Variants in CROCC observed in about 807,000 individuals in gnomAD.
The protein encoded by CROCC is rootletin.
In CROCC, 180 loss-of-function variants were observed where a neutral mutation model predicts 245.2. The observed-to-expected ratio is 0.73, with a 90% CI of 0.65 to 0.83. CROCC has a LOEUF of 0.83. CROCC is among the 40% of genes least tolerant of loss of function. The pLI is 0.00. For missense variants in CROCC, 2,688 were observed against 2,779.4 expected, an observed-to-expected ratio of 0.97 and a Z score of 0.74; for synonymous variants, 1,205 against 1,241.6, an observed-to-expected ratio of 0.97 and a Z score of 0.62.
At chr1:16,969,034 G>T in intron 31 of CROCC, 82 bp from the exon 32 acceptor site, 1 of 1,318,840 alleles carries the variant, frequency 7.6e-7, no homozygotes, top group Non-Finnish European at 1.1e-6. Context: ...GATTGGGCAT[G>T]CCAGGTGGAG....
At position 16,954,313 on chromosome 1, in the gene CROCC, G is replaced by A; in HGVS notation, c.3277G>A (p.Glu1093Lys). 6.2e-7 allele frequency: 1 copy of A among 1,612,174 alleles called. No homozygotes were observed. Among genetic ancestry groups the A allele is most frequent in the Non-Finnish European group, 8.5e-7 (1 of 1,179,962 alleles). ...CCTGGCCACCATCTCCCTGGAGATG[G>A]AGCGGCAGAAACGAGATGCCCAGAG... Reference protein sequence around the residue: ...HSLATISLEMERQKRDAQSRQ... With the variant: ...HSLATISLEMKRQKRDAQSRQ... The change falls in exon 22 of 37, where the codon GAG (glutamate) becomes AAG (lysine). Residue 1093 changes from glutamate to lysine, a missense_variant. Physicochemically the swap from Glu to Lys is moderately conservative, Grantham distance 56. Coordinates refer to ENST00000375541, the MANE Select transcript of CROCC (RefSeq NM_014675.5). The surrounding 1 kb of genome is among the most constrained non-coding windows in gnomAD (Gnocchi z 4.4).
intron 3 of CROCC, among the ~76,000 whole-genome samples, chr1:16,925,513 T>G (rs1325336229): frequency 6.6e-6 from 1 of 152,278 alleles, no homozygotes; most frequent in Admixed American, 6.5e-5. Flanking sequence ...TCATTTCCTG[T>G]GTATGGGAAG....
At chr1:16,941,440 A>T (rs1483518019) in intron 13 of CROCC, 15 of 152,540 alleles carry the variant, frequency 9.8e-5, no homozygotes, top group African/African-American at 3.4e-4. Flanking sequence ...AAAAATAATA[A>T]TAATAATGCT....
At chr1:16,972,200 T>C (rs753364353) in intron 36 of CROCC, among the ~76,000 whole-genome samples, 160 bp from the exon 37 acceptor site, 7 of 152,106 alleles carry the variant, frequency 4.6e-5, no homozygotes, top group Non-Finnish European at 5.9e-5. Context: ...GACTCTGCTA[T>C]AAGGAACAAA....
At chr1:16,946,642 GTCCCTCAT>G in intron 16 of CROCC, 111 bp from the exon 17 acceptor site, 2 of 1,195,892 alleles carry the variant, frequency 1.7e-6, no homozygotes, top group Middle Eastern at 2.1e-4. Context: ...CAAGGGCACT[GTCCCTCAT>G]TCCCTGGGAG....
chr1:16,951,888 TTTTTTTC>T, intron 20 of CROCC: 1 of 164,358 alleles, frequency 6.1e-6, no homozygotes, highest in Non-Finnish European at 1.3e-5. Context: ...AGCTCTTTTT[TTTTTTTC>T]TTTTTTCTTT....
Position 16,930,309 on chromosome 1 carries a change from G to A in CROCC, c.645G>A (p.Leu215=), listed in dbSNP as rs1158652303. The A allele has an allele frequency of 1.2e-6, 2 of 1,607,768 alleles. No homozygotes were observed. The highest frequency in any genetic ancestry group is 1.7e-5 in the Admixed American group (1 of 59,084). The change falls in exon 6 of 37, where the codon CTG becomes CTA. Residue 215 remains leucine, a synonymous_variant. Coordinates refer to ENST00000375541, the MANE Select transcript of CROCC (RefSeq NM_014675.5). ...AGGACACAGAGCACAGCCAAGACCT[G>A]GAAAGCGCCCTCATCCGGCTGGAGG... ...RLRDTEHSQD[L]ESALIRLEEE... is the part of the protein sequence containing the mutation.
intron 25 of CROCC, among the ~76,000 whole-genome samples, chr1:16,957,404 C>G (rs1287113280): frequency 6.6e-6 from 1 of 152,066 alleles, no homozygotes; most frequent in African/African-American, 2.4e-5. Context: ...AAGACCCTGA[C>G]TCTAAAAAAA....
intron 1 of CROCC, among the ~76,000 whole-genome samples, chr1:16,914,553 T>A (rs1478019402): frequency 6.6e-6 from 1 of 152,276 alleles, no homozygotes; most frequent in Non-Finnish European, 1.5e-5. Context: ...TTCGTCTTCA[T>A]TGCAGCCCTG....
intron 27 of CROCC, among the ~76,000 whole-genome samples, chr1:16,964,830 A>G (rs899178622): frequency 6.6e-6 from 1 of 152,142 alleles, no homozygotes; most frequent in East Asian, 1.9e-4. Context: ...TTACAGGTGC[A>G]TGCCACCACG....
chr1:16,935,064 T>TA (rs1262095330), intron 8 of CROCC, among the ~76,000 whole-genome samples: 2 of 152,100 alleles, frequency 1.3e-5, no homozygotes, highest in East Asian at 1.9e-4. Context: ...CACACCCCGC[T>TA]AAGTTTTGTA....
chr1:16,957,542 A>G (rs962351017), intron 25 of CROCC, among the ~76,000 whole-genome samples: 3 of 152,118 alleles, frequency 2.0e-5, no homozygotes, highest in Admixed American at 2.0e-4. Flanking sequence ...TCCCGGGTTC[A>G]AGTAATTCTC....
chr1:16,916,183 C>CAAAAAAAAAAAAAAAAAA (rs58710425), intron 1 of CROCC, among the ~76,000 whole-genome samples: 24 of 107,670 alleles, frequency 2.2e-4, no homozygotes, highest in East Asian at 7.3e-4. Flanking sequence ...GACTCTGCCT[C>CAAAAAAAAAAAAAAAAAA]AAAAAAAAAG....
intron 1 of CROCC, among the ~76,000 whole-genome samples, chr1:16,914,504 G>GGCCCC (rs1168215255): frequency 6.6e-6 from 1 of 152,286 alleles, no homozygotes; most frequent in Non-Finnish European, 1.5e-5. Flanking sequence ...CCTGCGTGCG[G>GGCCCC]GCCCCGCCCT....
At chr1:16,936,487 T>A (rs2075790070) in intron 8 of CROCC, 150 bp from the exon 9 acceptor site, 2 of 745,478 alleles carry the variant, frequency 2.7e-6, no homozygotes, top group Non-Finnish European at 4.2e-6. Context: ...CAGGCTGGTC[T>A]CGAACTCCTG....
intron 8 of CROCC, among the ~76,000 whole-genome samples, chr1:16,934,308 A>ATTT (rs60973533): frequency 0.063 from 9,373 of 149,492 alleles, 8 homozygotes; most frequent in African/African-American, 0.1. Context: ...CTGAAAATAC[A>ATTT]TTTTTTTTTT....
intron 20 of CROCC, among the ~76,000 whole-genome samples, chr1:16,952,165 G>T (rs910390846): frequency 8.6e-5 from 13 of 150,510 alleles, no homozygotes; most frequent in Non-Finnish European, 1.3e-4. Context: ...GGGATTACAG[G>T]CATGAGCTAC....
chr1:16,914,259 C>T (rs1460127308), intron 1 of CROCC, among the ~76,000 whole-genome samples: 4 of 152,132 alleles, frequency 2.6e-5, no homozygotes, highest in Admixed American at 6.5e-5. Context: ...GTGTGTTCCG[C>T]GACTGCCGCG....
intron 8 of CROCC, among the ~76,000 whole-genome samples, chr1:16,936,072 C>G (rs559886673): frequency 6.6e-5 from 10 of 152,052 alleles, no homozygotes; most frequent in African/African-American, 2.4e-4. Flanking sequence ...TTTTTTTTTC[C>G]CCAATCTGAG....
Sources: gnomAD v4.1 joint callset for allele counts (sites outside exome capture counted in the v4.1 genomes callset) on GRCh38, gnomAD v4.1.1 for gene constraint, Gnocchi (gnomAD v3.1) non-coding constraint, MANE v1.5 for transcripts, NCBI Gene and HGNC (gene_info 2026-07-23, HGNC 2026-07-21) for gene names.